KCNQ4: variants seen among roughly 807,000 people sequenced by gnomAD.
The protein encoded by KCNQ4 is potassium voltage-gated channel subfamily Q member 4, also known as potassium voltage-gated channel subfamily KQT member 4.
Under a neutral mutation model 72.6 loss-of-function variants are expected in KCNQ4, and 31 were observed. The observed-to-expected ratio is 0.43, with a 90% confidence interval of 0.32 to 0.58. The LOEUF (loss-of-function observed/expected upper bound fraction) is 0.58. Ranked by LOEUF, KCNQ4 falls within the 20% of genes least tolerant of loss-of-function variation. The pLI is 0.08. For synonymous variants in KCNQ4, 405 were observed against 403.7 expected (o/e 1.00, Z -0.04); for missense variants, 869 against 962.6 (o/e 0.90, Z 1.29).
At chr1:40,834,090 T>C (rs1648739473) in intron 11 of KCNQ4, among the ~76,000 whole-genome samples, 1 of 149,878 alleles carries the variant, frequency 6.7e-6, no homozygotes, top group Admixed American at 6.6e-5. Context: ...GCTTACCCCC[T>C]TTTCACCCAT....
At position 40,784,879 on chromosome 1, in the gene KCNQ4, C is replaced by T. The variant is rs1025180429; in HGVS notation, c.314+472C>T. Among the ~76,000 whole-genome samples, 1 of 152,204 alleles carries T rather than the reference C, an allele frequency of 6.6e-6. No homozygotes were observed. Among genetic ancestry groups the T allele is most frequent in the Admixed American group, 6.5e-5 (1 of 15,292 alleles). ...ATGAAGGGCTCCCCTCAGGGGTGCT[C>T]CTCTCCAGGGCGGCCCTCATTCCTA... is the stretch of plus-strand genomic sequence containing the variant. On this transcript the variant is annotated intron_variant, in intron 1 of 13. Transcript: ENST00000347132. The surrounding 1 kb of genome is among the most constrained non-coding windows in gnomAD (Gnocchi z 4.1).
chr1:40,815,480 G>A (rs945915016), intron 1 of KCNQ4, among the ~76,000 whole-genome samples: 6 of 152,162 alleles, frequency 3.9e-5, no homozygotes, highest in African/African-American at 1.4e-4. Flanking sequence ...TTCAGCTGCA[G>A]TCCCGATGCA....
chr1:40,784,250 C>T lies in KCNQ4; in HGVS notation c.157C>T (p.Pro53Ser), dbSNP rs1272131400. Residue 53 changes from proline (P) to serine (S), a missense_variant, in exon 1 of 14, where the codon CCG becomes TCG. Coordinates refer to ENST00000347132, the MANE Select transcript of KCNQ4 (RefSeq NM_004700.4). This position sits in a 1 kb window ranked among gnomAD's most constrained non-coding sequence, Gnocchi z 4.1. Reference protein sequence around the residue: ...RRLGLLGSPLPPGAPLPGPGS... With the variant: ...RRLGLLGSPLSPGAPLPGPGS... ...CCTCGGCCTCCTGGGCAGCCCCCTGCCGCCGGGCGCGCCCCTCCCTGGGCC... is the reference window on the plus strand; with the variant it reads ...CCTCGGCCTCCTGGGCAGCCCCCTGTCGCCGGGCGCGCCCCTCCCTGGGCC... 14 of 1,377,584 alleles carry T rather than the reference C, an allele frequency of 1.0e-5. No individual in the cohort carries two copies. In the South Asian group the frequency reaches 1.3e-4, roughly 13 times the overall value. The allele number at this position is 1,377,584 out of a possible 1,614,324, so 85.3% of individuals were successfully genotyped here. A position where few individuals can be genotyped will look rare whatever the true frequency, so the allele number is the denominator to read the frequency against.
intron 1 of KCNQ4, among the ~76,000 whole-genome samples, chr1:40,805,614 C>T (rs1025185575): frequency 6.7e-6 from 1 of 148,274 alleles, no homozygotes; most frequent in African/African-American, 2.5e-5. Context: ...CATGCTCAGA[C>T]ACAGCATGAG....
intron 1 of KCNQ4, among the ~76,000 whole-genome samples, chr1:40,799,444 G>T (rs1038459191): frequency 7.0e-6 from 1 of 143,730 alleles, no homozygotes; most frequent in Non-Finnish European, 1.5e-5. Context: ...CCCCCCCCTC[G>T]CTAGGCAGTA....
intron 1 of KCNQ4, among the ~76,000 whole-genome samples, chr1:40,801,836 G>C (rs1243980980): frequency 6.6e-6 from 1 of 152,122 alleles, no homozygotes; most frequent in African/African-American, 2.4e-5. Context: ...GCCAGGACCT[G>C]GGCTCAGGCC....
chr1:40,800,877 G>A lies in KCNQ4; in HGVS notation c.315-16388G>A, dbSNP rs111645779. 6.2e-3 allele frequency among the ~76,000 whole-genome samples: 950 copies of A among 152,362 alleles called. 10 individuals are homozygous for A. Among genetic ancestry groups the A allele is most frequent in the African/African-American group, 0.022 (902 of 41,580 alleles). ...GGCTAAAGAAGCTCCTCTATTCAAA[G>A]CCGATCATGGATGGATGAGGTGGAA... On this transcript the variant is annotated intron_variant, in intron 1 of 13. Transcript: ENST00000347132.
chr1:40,790,673 A>T (rs1338759465), intron 1 of KCNQ4, among the ~76,000 whole-genome samples: 1 of 152,188 alleles, frequency 6.6e-6, no homozygotes, highest in Non-Finnish European at 1.5e-5. Flanking sequence ...GCTACCTAGC[A>T]TGCTCACTGA....
At chr1:40,807,510 C>T (rs1647800285) in intron 1 of KCNQ4, among the ~76,000 whole-genome samples, 1 of 152,146 alleles carries the variant, frequency 6.6e-6, no homozygotes, top group Non-Finnish European at 1.5e-5. Flanking sequence ...GGGGAAACTT[C>T]TCCTCCCAGC....
Position 40,819,976 on chromosome 1 carries a change from C to T in KCNQ4, c.936C>T (p.Ala312=). 1.2e-6 allele frequency: 2 copies of T among 1,613,920 alleles called. No individual in the cohort carries two copies. Among genetic ancestry groups the T allele is most frequent in the Non-Finnish European group, 8.5e-7 (1 of 1,179,770 alleles). Residue 312 remains alanine, a synonymous_variant, in exon 6 of 14, where the codon GCC becomes GCT. Transcript: ENST00000347132. The part of the protein sequence containing the change: ...GFALLGISFF[A]LPAGILGSGF... ...CCTTACTGGGCATCTCTTTCTTTGC[C>T]CTGCCTGCCGTGAGTTGCCTCCTGC... is the stretch of plus-strand genomic sequence containing the variant.
chr1:40,810,258 G>A (rs1647894887), intron 1 of KCNQ4, among the ~76,000 whole-genome samples: 1 of 152,056 alleles, frequency 6.6e-6, no homozygotes, highest in Non-Finnish European at 1.5e-5. Flanking sequence ...TGCACATCCT[G>A]CTTCCTCTGC....
At chr1:40,830,565 G>A (rs541733631) in intron 9 of KCNQ4, among the ~76,000 whole-genome samples, 1 of 152,094 alleles carries the variant, frequency 6.6e-6, no homozygotes, top group South Asian at 2.1e-4. Context: ...TGTGCACAAG[G>A]TGTGTGTGTG....
At chr1:40,801,493 C>G (rs775155979) in intron 1 of KCNQ4, among the ~76,000 whole-genome samples, 1 of 152,202 alleles carries the variant, frequency 6.6e-6, no homozygotes, top group Non-Finnish European at 1.5e-5. Flanking sequence ...CATTCATTCA[C>G]TCAACATTTA....
intron 1 of KCNQ4, among the ~76,000 whole-genome samples, chr1:40,798,624 T>C (rs1647482744): frequency 6.6e-6 from 1 of 152,252 alleles, no homozygotes; most frequent in Admixed American, 6.5e-5. Flanking sequence ...GGGGTCCAGA[T>C]GCCTGTCTAG....
intron 1 of KCNQ4, among the ~76,000 whole-genome samples, chr1:40,786,536 A>C (rs1249785741): frequency 6.6e-6 from 1 of 152,118 alleles, no homozygotes; most frequent in Non-Finnish European, 1.5e-5. Context: ...ACTCTGGGGG[A>C]AGAAGTATGG....
In KCNQ4 at chr1:40,784,183, G is replaced by T; in HGVS notation, c.90G>T (p.Gln30His). The T allele has an allele frequency of 8.9e-7, 1 of 1,128,060 alleles. No individual in the cohort carries two copies. The highest frequency in any genetic ancestry group is 2.9e-5 in the South Asian group (1 of 35,048). 69.9% of individuals were successfully genotyped at this position (1,128,060 alleles called of 1,614,324 possible). ...RAELVALTAV[Q>H]SEQGEAGGGG... ...AGCTAGTGGCGCTCACGGCCGTGCA[G>T]AGCGAACAGGGCGAGGCGGGCGGGG... is the stretch of plus-strand genomic sequence containing the variant. Residue 30 changes from glutamine to histidine, a missense_variant, in exon 1 of 14, where the codon CAG becomes CAT. By Grantham distance (24) the Gln-to-His change is conservative. Coordinates refer to ENST00000347132, the MANE Select transcript of KCNQ4 (RefSeq NM_004700.4). This position sits in a 1 kb window ranked among gnomAD's most constrained non-coding sequence, Gnocchi z 4.1.
intron 9 of KCNQ4, among the ~76,000 whole-genome samples, chr1:40,828,661 G>C (rs1360180988): frequency 6.6e-6 from 1 of 152,222 alleles, no homozygotes; most frequent in Non-Finnish European, 1.5e-5. Flanking sequence ...ACCACACACA[G>C]TGGCTGAGAG....
At position 40,822,299 on chromosome 1, in the gene KCNQ4, C is replaced by A. The variant is rs1274928404; in HGVS notation, c.1042-15C>A. On this transcript the variant is annotated splice_polypyrimidine_tract_variant and intron_variant, in intron 7 of 13. Transcript: ENST00000347132. ...CTCACTGATGCCCCATCCCCCACGT[C>A]CCCCATACCACCAGGCTGCCTGGCG... is the stretch of plus-strand genomic sequence containing the variant. 3.7e-6 allele frequency: 6 copies of A among 1,611,104 alleles called. No individual in the cohort carries two copies. Among genetic ancestry groups the A allele is most frequent in the Non-Finnish European group, 4.2e-6 (5 of 1,177,378 alleles).
chr1:40,819,532 G>A (rs1648218369), intron 5 of KCNQ4, 60 bp downstream of exon 5: 1 of 1,604,876 alleles, frequency 6.2e-7, no homozygotes, highest in Non-Finnish European at 8.5e-7. Context: ...GGAACTTCCC[G>A]AGGTCTGCCC....
Sources: allele counts gnomAD v4.1 joint callset (sites outside exome capture counted in the v4.1 genomes callset), GRCh38; gene constraint gnomAD v4.1.1; non-coding constraint Gnocchi (gnomAD v3.1); transcripts MANE v1.5; gene names NCBI Gene and HGNC (gene_info 2026-07-23, HGNC 2026-07-21).